FARP2: variants seen among roughly 807,000 people sequenced by gnomAD.
FARP2 encodes the protein FERM, ARHGEF and pleckstrin domain-containing protein 2.
A neutral mutation model predicts 130.5 loss-of-function variants in FARP2; 111 were observed. That is an observed-to-expected ratio of 0.85 (90% CI 0.73 to 1.00). The LOEUF (loss-of-function observed/expected upper bound fraction) is 1.00. Among genes scored for constraint, FARP2 ranks in the 50% least tolerant of loss-of-function variants. FARP2 has a pLI of 0.00. For missense variants in FARP2, 1,385 were observed against 1,346.3 expected (o/e 1.03, Z -0.45); for synonymous variants, 504 against 516.9 (o/e 0.98, Z 0.34).
intron 2 of FARP2, among the ~76,000 whole-genome samples, chr2:241,380,839 A>C (rs1224111951): frequency 6.6e-6 from 1 of 152,062 alleles, no homozygotes; most frequent in Non-Finnish European, 1.5e-5. Context: ...AACTCCCTGC[A>C]AAGAGGTCAG....
At chr2:241,391,933 C>T (rs2061916030) in intron 2 of FARP2, among the ~76,000 whole-genome samples, 1 of 152,130 alleles carries the variant, frequency 6.6e-6, no homozygotes, top group African/African-American at 2.4e-5. Context: ...TAACCAGCAA[C>T]AGAGGATTAA....
At chr2:241,444,289 C>T (rs2063462357) in intron 13 of FARP2, 1 of 152,198 alleles carries the variant, frequency 6.6e-6, no homozygotes, top group Non-Finnish European at 1.5e-5. Context: ...TTGGGAGGTT[C>T]TTCTTTTCTT....
Position 241,491,045 on chromosome 2 carries a change from G to T in FARP2, c.2505-16G>T, listed in dbSNP as rs746944131. ...AGGAAGAGCAGAGCCACTGAGCCTT[G>T]CCCTTCTCCCTGCAGCACTCGGCTG... On this transcript the variant is annotated splice_polypyrimidine_tract_variant and intron_variant, in intron 22 of 26. Coordinates refer to ENST00000264042, the MANE Select transcript of FARP2 (RefSeq NM_014808.4). 9 of 1,593,930 alleles carry T rather than the reference G, an allele frequency of 5.6e-6. No individual in the cohort carries two copies. The highest frequency in any genetic ancestry group is 7.7e-6 in the Non-Finnish European group (9 of 1,162,292).
At chr2:241,450,628 T>A (rs1257868730) in intron 13 of FARP2, among the ~76,000 whole-genome samples, 1 of 151,514 alleles carries the variant, frequency 6.6e-6, no homozygotes, top group Non-Finnish European at 1.5e-5. Flanking sequence ...ATTGAGCCAC[T>A]GCAATTGCAC....
rs1280440512 is a variant in FARP2 at position 241,475,884 on chromosome 2, C to T, written c.2159C>T (p.Thr720Ile). Residue 720 changes from threonine (T) to isoleucine (I), a missense_variant, in exon 19 of 27, where the codon ACC becomes ATC. Transcript: ENST00000264042. This position sits in a 1 kb window ranked among gnomAD's most constrained non-coding sequence, Gnocchi z 4.4. ...HDALKAITEV[T>I]TTLQHILIRL... Reference sequence around the variant, plus strand: ...GCCCTGAAAGCCATCACAGAGGTGACCACCACACTACAGCACATTCTCATC... The same window carrying T: ...GCCCTGAAAGCCATCACAGAGGTGATCACCACACTACAGCACATTCTCATC... The T allele has an allele frequency of 6.2e-7, 1 of 1,613,736 alleles. No individual in the cohort carries two copies. Among genetic ancestry groups the T allele is most frequent in the Non-Finnish European group, 8.5e-7 (1 of 1,179,804 alleles).
intron 2 of FARP2, chr2:241,387,163 T>A (rs930429664): frequency 3.3e-5 from 5 of 152,226 alleles, no homozygotes; most frequent in Admixed American, 1.3e-4. Context: ...AGAACTAGTC[T>A]TCTCTTTTAT....
chr2:241,398,153 C>T (rs1166359440), intron 2 of FARP2, among the ~76,000 whole-genome samples: 1 of 152,060 alleles, frequency 6.6e-6, no homozygotes, highest in African/African-American at 2.4e-5. Context: ...TAATTACATT[C>T]TTATTGAAAT....
At position 241,403,836 on chromosome 2, in the gene FARP2, C is replaced by T. The variant is rs766643383; in HGVS notation, c.192C>T (p.Cys64=). 8 of 1,609,210 alleles carry T rather than the reference C, an allele frequency of 5.0e-6. No homozygotes were observed. The highest frequency in any genetic ancestry group is 4.4e-5 in the South Asian group (4 of 90,906). The change falls in exon 3 of 27, where the codon TGC becomes TGT. Residue 64 remains cysteine, a synonymous_variant. Coordinates refer to ENST00000264042, the MANE Select transcript of FARP2 (RefSeq NM_014808.4). ...CATCTCTCTCTGCACAGCCTAAATG[C>T]GATGGCCAGGTATTACTGACACAAG... ...TMEIFDIEPK[C]DGQVLLTQVW...
chr2:241,478,727 A>C (rs1302241071), intron 19 of FARP2: 3 of 463,088 alleles, frequency 6.5e-6, no homozygotes, highest in Non-Finnish European at 1.3e-5. Context: ...AGAACAAGAG[A>C]GCAAAACATC....
At chr2:241,462,056 G>A (rs1449079918) in intron 14 of FARP2, among the ~76,000 whole-genome samples, 1 of 152,198 alleles carries the variant, frequency 6.6e-6, no homozygotes, top group Non-Finnish European at 1.5e-5. Context: ...AGCAGGGCAC[G>A]GAAAACTGGG....
At chr2:241,473,777 G>C (rs1165689759) in intron 18 of FARP2, among the ~76,000 whole-genome samples, 3 of 152,220 alleles carry the variant, frequency 2.0e-5, no homozygotes, top group Admixed American at 6.5e-5. Context: ...GAGAGCCAGG[G>C]GATGGGGGCA....
intron 8 of FARP2, among the ~76,000 whole-genome samples, chr2:241,425,731 C>T (rs1194008973): frequency 8.2e-6 from 1 of 122,384 alleles, no homozygotes; most frequent in Non-Finnish European, 1.6e-5. Context: ...GGTACAATTT[C>T]TCTCTCTCTC....
intron 8 of FARP2, 116 bp from the exon 9 acceptor site, chr2:241,431,559 ATGGT>A: frequency 1.6e-6 from 1 of 627,802 alleles, no homozygotes. Flanking sequence ...CTCAGATATA[ATGGT>A]AAAATGCCAA....
chr2:241,374,345 T>G (rs1287224899), intron 2 of FARP2, among the ~76,000 whole-genome samples: 4 of 152,242 alleles, frequency 2.6e-5, no homozygotes. Context: ...TTTTCATATG[T>G]AATACACAAA....
chr2:241,469,819 G>A (rs2064261787), intron 18 of FARP2, among the ~76,000 whole-genome samples: 1 of 152,178 alleles, frequency 6.6e-6, no homozygotes, highest in Admixed American at 6.5e-5. Flanking sequence ...ATAGGACTTT[G>A]GAGGGATTCC....
intron 12 of FARP2, 87 bp from the exon 13 acceptor site, chr2:241,441,217 C>T (rs1381603539): frequency 2.4e-6 from 3 of 1,265,484 alleles, no homozygotes; most frequent in Non-Finnish European, 3.3e-6. Flanking sequence ...GTGTGGATGC[C>T]CTAAGTTAGG....
chr2:241,404,668 AG>A (rs879096345), intron 3 of FARP2, 130 bp from the exon 4 acceptor site: 7 of 627,800 alleles, frequency 1.1e-5, no homozygotes, highest in African/African-American at 7.3e-5. Context: ...AACCTTTAAG[AG>A]GGGGGGTAGA....
intron 7 of FARP2, among the ~76,000 whole-genome samples, chr2:241,413,692 C>T (rs953067787): frequency 4.6e-5 from 7 of 152,184 alleles, no homozygotes; most frequent in Non-Finnish European, 5.9e-5. Context: ...CCTGTTATCC[C>T]AGCACCCTGG....
chr2:241,479,125 CT>C, intron 19 of FARP2: 1 of 429,080 alleles, frequency 2.3e-6, no homozygotes, highest in Non-Finnish European at 4.1e-6. Flanking sequence ...GGTGTGAATC[CT>C]TTTGTGCTTC....
Sources: allele counts gnomAD v4.1 joint callset (sites outside exome capture counted in the v4.1 genomes callset), GRCh38; gene constraint gnomAD v4.1.1; non-coding constraint Gnocchi (gnomAD v3.1); transcripts MANE v1.5; gene names NCBI Gene and HGNC (gene_info 2026-07-23, HGNC 2026-07-21).